The following TSG101 variants were observed in gnomAD, a reference collection of about 807,000 sequenced individuals.
The protein encoded by TSG101 is tumor susceptibility 101.
Under a neutral mutation model 48.5 loss-of-function variants are expected in TSG101, and 19 were observed. The ratio of observed to expected loss-of-function variants is 0.39; its 90% CI spans 0.27 to 0.58. TSG101 has a LOEUF of 0.58. TSG101 is among the 20% of genes least tolerant of loss of function. The probability of loss-of-function intolerance (pLI) is 0.55; values close to 1 mark genes in which losing one functional copy is unlikely to be tolerated. For synonymous variants in TSG101, 174 were observed against 169.4 expected (o/e 1.03, Z -0.21); for missense variants, 365 against 484.4 (o/e 0.75, Z 2.31).
At chr11:18,526,660 C>T in intron 1 of TSG101, 115 bp downstream of exon 1, 6 of 1,308,294 alleles carry the variant, frequency 4.6e-6, no homozygotes, top group Non-Finnish European at 6.3e-6. Context: ...CTAAGGACTG[C>T]ACCGGGGCTT....
intron 8 of TSG101, among the ~76,000 whole-genome samples, chr11:18,483,112 CGTGATA>C (rs1339344068): frequency 2.0e-5 from 3 of 152,064 alleles, no homozygotes; most frequent in African/African-American, 7.2e-5. Context: ...TTTCTATTCT[CGTGATA>C]GTAAGTCTCA....
chr11:18,519,869 G>A (rs368907086), intron 1 of TSG101, among the ~76,000 whole-genome samples: 33 of 152,202 alleles, frequency 2.2e-4, no homozygotes, highest in Non-Finnish European at 3.2e-4. Flanking sequence ...TGGTTAAAAC[G>A]TCTCAATAAT....
intron 7 of TSG101, among the ~76,000 whole-genome samples, chr11:18,488,282 G>A (rs1849649155): frequency 6.6e-6 from 1 of 152,052 alleles, no homozygotes; most frequent in Non-Finnish European, 1.5e-5. Flanking sequence ...CAGTGCATGA[G>A]GTTTTCTTTT....
chr11:18,517,524 T>C (rs532306401), intron 2 of TSG101, among the ~76,000 whole-genome samples: 76 of 152,298 alleles, frequency 5.0e-4, no homozygotes, highest in Non-Finnish European at 9.1e-4. Context: ...AATGTTTGGG[T>C]CTACAATGGA....
At chr11:18,495,787 T>G (rs747273263) in intron 7 of TSG101, among the ~76,000 whole-genome samples, 1 of 151,918 alleles carries the variant, frequency 6.6e-6, no homozygotes, top group East Asian at 1.9e-4. Flanking sequence ...AAGATGTCTA[T>G]AGCACTCTGA....
chr11:18,499,381 A>T (rs1272821221), intron 7 of TSG101, among the ~76,000 whole-genome samples: 13 of 12,292 alleles, frequency 1.1e-3, no homozygotes, highest in Admixed American at 2.4e-3. Context: ...TTTATATTTA[A>T]ATATATATAT....
chr11:18,516,264 A>C, intron 2 of TSG101, 100 bp from the exon 3 acceptor site: 1 of 1,012,472 alleles, frequency 9.9e-7, no homozygotes, highest in South Asian at 1.4e-5. Flanking sequence ...ATTATCCTTG[A>C]AAGGGGCTGA....
At chr11:18,495,291 T>A (rs1169238087) in intron 7 of TSG101, among the ~76,000 whole-genome samples, 1 of 152,210 alleles carries the variant, frequency 6.6e-6, no homozygotes. Context: ...ATTATTAAAC[T>A]GCAACTACTG....
At position 18,514,795 on chromosome 11, in the gene TSG101, G is replaced by A; in HGVS notation, c.240C>T (p.Tyr80=). ...CAAAACAGATAGGGGGATTATATGG[G>A]TATGTGTCCAGTAGCCATAGGCATA... ...IPICLWLLDT[Y]PYNPPICFVK... Residue 80 remains tyrosine (Y), a synonymous_variant, in exon 4 of 10, where the codon TAC becomes TAT. Transcript: ENST00000251968. 6.3e-7 allele frequency: 1 copy of A among 1,593,430 alleles called. No homozygotes were observed. The highest frequency in any genetic ancestry group is 8.5e-7 in the Non-Finnish European group (1 of 1,173,332).
intron 7 of TSG101, among the ~76,000 whole-genome samples, chr11:18,499,373 T>A (rs1307306801): frequency 2.5e-5 from 1 of 39,952 alleles, no homozygotes; most frequent in Non-Finnish European, 5.1e-5. Context: ...TAAATATGTT[T>A]ATATTTAAAT....
At chr11:18,489,366 T>C (rs1035211688) in intron 7 of TSG101, among the ~76,000 whole-genome samples, 3 of 152,094 alleles carry the variant, frequency 2.0e-5, no homozygotes, top group Admixed American at 2.0e-4. Flanking sequence ...TCCCAAGTAG[T>C]TGGGACTATA....
intron 1 of TSG101, among the ~76,000 whole-genome samples, chr11:18,524,011 G>C (rs148855953): frequency 5.9e-5 from 9 of 151,942 alleles, no homozygotes; most frequent in Admixed American, 2.0e-4. Context: ...GGCTGATCCT[G>C]AACTCCTGGC....
intron 1 of TSG101, among the ~76,000 whole-genome samples, chr11:18,521,359 CTTTT>C (rs917563952): frequency 4.0e-5 from 4 of 99,794 alleles, no homozygotes; most frequent in South Asian, 4.3e-4. Flanking sequence ...AAACTGATTC[CTTTT>C]TTTTTTTTTT....
At chr11:18,513,238 T>C (rs760656065) in intron 4 of TSG101, among the ~76,000 whole-genome samples, 4 of 152,092 alleles carry the variant, frequency 2.6e-5, no homozygotes, top group Non-Finnish European at 5.9e-5. Flanking sequence ...TAGCATCTTA[T>C]CTTTGAAGCT....
chr11:18,483,566 TGTA>T (rs1425403039), intron 8 of TSG101, among the ~76,000 whole-genome samples: 11 of 151,586 alleles, frequency 7.3e-5, no homozygotes, highest in Non-Finnish European at 1.6e-4. Flanking sequence ...CATGTGGAAC[TGTA>T]AGTCCAATTA....
chr11:18,480,670 G>A, intron 9 of TSG101, 35 bp from the exon 10 acceptor site: 1 of 1,591,600 alleles, frequency 6.3e-7, no homozygotes. Flanking sequence ...AGTTTAGAAT[G>A]GCTTTGATTT....
rs746926397 is a variant in TSG101, at chr11:18,509,556, G to A, written c.467C>T (p.Thr156Met). Residue 156 changes from threonine (T) to methionine (M), a missense_variant, in exon 5 of 10, where the codon ACG (threonine) becomes ATG (methionine). Thr to Met is a moderately conservative substitution (Grantham distance 81). Transcript: ENST00000251968. ...ISASYPPYQA[T>M]GPPNTSYMPG... Reference sequence around the variant, plus strand: ...ATTCTACTTACTATTTGGTGGCCCCGTTGCCTGGTATGGCGGATAGGATGC... The same window carrying A: ...ATTCTACTTACTATTTGGTGGCCCCATTGCCTGGTATGGCGGATAGGATGC... 1.2e-5 allele frequency: 20 copies of A among 1,612,982 alleles called. No individual in the cohort carries two copies. The highest frequency in any genetic ancestry group is 5.0e-5 in the Admixed American group (3 of 59,916).
chr11:18,511,176 C>G (rs181400376), intron 4 of TSG101: 1 of 152,308 alleles, frequency 6.6e-6, no homozygotes, highest in Non-Finnish European at 1.5e-5. Flanking sequence ...CTCCTCCCCC[C>G]AGACAAGGTC....
intron 1 of TSG101, among the ~76,000 whole-genome samples, chr11:18,524,911 C>CTT (rs35642875): frequency 2.9e-5 from 4 of 137,136 alleles, no homozygotes; most frequent in African/African-American, 8.1e-5. Flanking sequence ...AGGAATAAAT[C>CTT]TTTTTTTTTT....
Sources: allele counts gnomAD v4.1 joint callset (sites outside exome capture counted in the v4.1 genomes callset), GRCh38; gene constraint gnomAD v4.1.1; transcripts MANE v1.5; gene names NCBI Gene and HGNC (gene_info 2026-07-23, HGNC 2026-07-21).